The following CDH13 variants were observed in gnomAD, a reference collection of about 807,000 sequenced individuals.
The protein encoded by CDH13 is cadherin 13, also known as cadherin-13.
In CDH13, 24 loss-of-function variants were observed where a neutral mutation model predicts 63.8. That is an observed-to-expected ratio of 0.38 (90% CI 0.27 to 0.53). CDH13 has a LOEUF of 0.53. CDH13 is among the 20% of genes least tolerant of loss of function. CDH13 has a pLI of 0.85. For missense variants in CDH13, 1,049 were observed against 903.1 expected, an observed-to-expected ratio of 1.16 and a Z score of -2.07; for synonymous variants, 503 against 355.3, an observed-to-expected ratio of 1.42 and a Z score of -4.67.
At chr16:83,452,503 C>T (rs557896386) in intron 6 of CDH13, among the ~76,000 whole-genome samples, 10 of 152,022 alleles carry the variant, frequency 6.6e-5, no homozygotes, top group South Asian at 4.2e-4. Flanking sequence ...TTTAGCATCA[C>T]GTGGCTCCTC....
intron 1 of CDH13, among the ~76,000 whole-genome samples, chr16:82,678,145 G>A (rs556605216): frequency 1.8e-4 from 28 of 152,210 alleles, no homozygotes; most frequent in African/African-American, 6.5e-4. Flanking sequence ...TTCTTTTCCT[G>A]TAAGAATGTT....
At chr16:82,849,070 A>C (rs1343641817) in intron 1 of CDH13, among the ~76,000 whole-genome samples, 1 of 152,188 alleles carries the variant, frequency 6.6e-6, no homozygotes, top group African/African-American at 2.4e-5. Flanking sequence ...CCTCAAACCA[A>C]AGCCTAATCC....
intron 3 of CDH13, among the ~76,000 whole-genome samples, chr16:83,102,635 G>A (rs529393290): frequency 9.2e-5 from 14 of 152,246 alleles, no homozygotes; most frequent in Admixed American, 2.6e-4. Flanking sequence ...CAACAGGACC[G>A]CTCTGGCCAC....
chr16:83,115,914 T>C (rs58400605), intron 3 of CDH13, among the ~76,000 whole-genome samples: 28,435 of 152,186 alleles, frequency 0.19, 3,879 homozygotes, highest in African/African-American at 0.39. Context: ...ACACTGTTTG[T>C]CTGTTTGAAT....
intron 10 of CDH13, among the ~76,000 whole-genome samples, chr16:83,723,328 G>A (rs1909939829): frequency 6.6e-6 from 1 of 152,222 alleles, no homozygotes; most frequent in Non-Finnish European, 1.5e-5. Flanking sequence ...TGGAAGGTTA[G>A]CACCTCTCTC....
At chr16:83,272,845 G>A (rs2088867182) in intron 5 of CDH13, among the ~76,000 whole-genome samples, 1 of 152,218 alleles carries the variant, frequency 6.6e-6, no homozygotes, top group East Asian at 1.9e-4. Flanking sequence ...ACTATTCTGT[G>A]CAGATCAGTC....
At chr16:83,431,279 C>T (rs562192302) in intron 6 of CDH13, among the ~76,000 whole-genome samples, 3 of 151,824 alleles carry the variant, frequency 2.0e-5, no homozygotes, top group South Asian at 2.1e-4. Flanking sequence ...AATAAACATA[C>T]GTACACACCA....
chr16:82,719,779 G>T (rs1453802960), intron 1 of CDH13, among the ~76,000 whole-genome samples: 2 of 146,708 alleles, frequency 1.4e-5, no homozygotes, highest in African/African-American at 5.1e-5. Context: ...CTGGGAGGCA[G>T]AGGTTGCAGT....
chr16:83,227,072 G>C (rs569985574), intron 5 of CDH13, among the ~76,000 whole-genome samples: 2 of 152,208 alleles, frequency 1.3e-5, no homozygotes, highest in Non-Finnish European at 2.9e-5. Flanking sequence ...CCTTGGGTTC[G>C]AGAACAGAAA....
At chr16:83,097,923 C>G (rs1019242943) in intron 3 of CDH13, among the ~76,000 whole-genome samples, 1 of 151,980 alleles carries the variant, frequency 6.6e-6, no homozygotes, top group African/African-American at 2.4e-5. Context: ...CCACCTAGTA[C>G]CTACTCTGTA....
chr16:82,916,221 C>T (rs1420828840), intron 2 of CDH13, among the ~76,000 whole-genome samples: 1 of 152,072 alleles, frequency 6.6e-6, no homozygotes, highest in Non-Finnish European at 1.5e-5. Flanking sequence ...AATAGGTTAA[C>T]CCACAGGCTC....
At chr16:83,275,970 C>T (rs918088282) in intron 5 of CDH13, among the ~76,000 whole-genome samples, 6 of 152,100 alleles carry the variant, frequency 3.9e-5, no homozygotes, top group African/African-American at 1.4e-4. Context: ...ATGAAGACTA[C>T]AGATTAATGA....
chr16:83,478,264 A>G (rs2073663072), intron 6 of CDH13, among the ~76,000 whole-genome samples: 1 of 152,004 alleles, frequency 6.6e-6, no homozygotes, highest in African/African-American at 2.4e-5. Context: ...GGCAGGAGGC[A>G]CACGCTCCAG....
chr16:83,206,195 C>T (rs939303505), intron 4 of CDH13, among the ~76,000 whole-genome samples: 1 of 152,170 alleles, frequency 6.6e-6, no homozygotes, highest in Non-Finnish European at 1.5e-5. Context: ...TTCTTAATAT[C>T]ACAACCATCT....
chr16:83,132,442 A>AC (rs2036094829), intron 4 of CDH13, among the ~76,000 whole-genome samples: 4 of 11,622 alleles, frequency 3.4e-4, no homozygotes, highest in African/African-American at 8.8e-4. Flanking sequence ...CCCACCCCCC[A>AC]ACACCCCCCC....
At chr16:83,480,649 C>T (rs17758558) in intron 6 of CDH13, among the ~76,000 whole-genome samples, 15,717 of 152,144 alleles carry the variant, frequency 0.1, 897 homozygotes, top group Non-Finnish European at 0.13. Context: ...CGTGTCTACA[C>T]CTGAAAGCAA....
chr16:82,779,418 C>T (rs374102213), intron 1 of CDH13, among the ~76,000 whole-genome samples: 5 of 152,182 alleles, frequency 3.3e-5, no homozygotes, highest in South Asian at 2.1e-4. Context: ...TAAATCAGGG[C>T]TCCTAACACA....
At chr16:83,682,334 T>A (rs917922765) in intron 10 of CDH13, among the ~76,000 whole-genome samples, 1 of 152,130 alleles carries the variant, frequency 6.6e-6, no homozygotes, top group South Asian at 2.1e-4. Context: ...AGGAAGCTGT[T>A]CTGGGTGGTC....
chr16:83,301,390 C>G (rs1406360737), intron 5 of CDH13, among the ~76,000 whole-genome samples: 1 of 152,142 alleles, frequency 6.6e-6, no homozygotes, highest in Admixed American at 6.5e-5. Context: ...ACCTCCCTCT[C>G]TGTGATTTTC....
Sources: allele counts gnomAD v4.1 joint callset (sites outside exome capture counted in the v4.1 genomes callset), GRCh38; gene constraint gnomAD v4.1.1; transcripts MANE v1.5; gene names NCBI Gene and HGNC (gene_info 2026-07-23, HGNC 2026-07-21).